Variants in FUT6 observed in about 807,000 individuals in gnomAD.
FUT6 encodes the protein 4-galactosyl-N-acetylglucosaminide 3-alpha-L-fucosyltransferase FUT6.
For synonymous variants in FUT6, 187 were observed against 209.9 expected, an observed-to-expected ratio of 0.89 and a Z score of 0.94; for missense variants, 454 against 494.6, an observed-to-expected ratio of 0.92 and a Z score of 0.78.
At position 5,832,337 on chromosome 19, in the gene FUT6, C is replaced by T. The variant is rs2057116296; in HGVS notation, c.231G>A (p.Leu77=). 6.2e-7 allele frequency: 1 copy of T among 1,613,832 alleles called. No individual in the cohort carries two copies. Among genetic ancestry groups the T allele is most frequent in the African/African-American group, 1.3e-5 (1 of 74,856 alleles). Residue 77 remains leucine (L), a synonymous_variant, in exon 3 of 3, where the codon CTG becomes CTA. Transcript: ENST00000318336. This position sits in a 1 kb window ranked among gnomAD's most constrained non-coding sequence, Gnocchi z 4.3. ...CAGGCACCATCTCTGAGCAGCGGGGCAGAGCTATGGGTTTGTTAAAAGGCC... is the reference window on the plus strand; with the variant it reads ...CAGGCACCATCTCTGAGCAGCGGGGTAGAGCTATGGGTTTGTTAAAAGGCC... The part of the protein sequence containing the change: ...WTWPFNKPIA[L]PRCSEMVPGT...
At chr19:5,834,145 AAAG>A (rs1434292317) in intron 2 of FUT6, among the ~76,000 whole-genome samples, 2 of 152,210 alleles carry the variant, frequency 1.3e-5, no homozygotes, top group Non-Finnish European at 2.9e-5. Context: ...AAGAAAAAAA[AAAG>A]AGAGAATAGA....
At position 5,831,549 on chromosome 19, in the gene FUT6, C is replaced by T; in HGVS notation, c.1019G>A (p.Cys340Tyr). 6.2e-7 allele frequency: 1 copy of T among 1,614,160 alleles called. No individual in the cohort carries two copies. Among genetic ancestry groups the T allele is most frequent in the Non-Finnish European group, 8.5e-7 (1 of 1,180,012 alleles). The change falls in exon 3 of 3, where the codon TGC becomes TAC. Residue 340 changes from cysteine to tyrosine, a missense_variant. By Grantham distance (194) the Cys-to-Tyr change is radical. Transcript: ENST00000318336. The surrounding 1 kb of genome is among the most constrained non-coding windows in gnomAD (Gnocchi z 7.0). ...FSWALAFCKACWKLQEESRYQ... is the reference protein window; with the variant it reads ...FSWALAFCKAYWKLQEESRYQ... ...CCTGGATTCCTCCTGCAGTTTCCAG[C>T]AGGCCTTGCAGAAAGCGAGTGCCCA... is the stretch of plus-strand genomic sequence containing the variant.
At position 5,837,659 on chromosome 19, in the gene FUT6, G is replaced by A. The variant is rs555838667; in HGVS notation, c.-141+1018C>T. Among the ~76,000 whole-genome samples the A allele has an allele frequency of 3.7e-3, 563 of 152,148 alleles. 2 individuals are homozygous for A. The highest frequency in any genetic ancestry group is 0.01 in the Middle Eastern group (3 of 294). Reference sequence around the variant, plus strand: ...CGGGCACCTGTAGTCCCAGCTACTCGGGAGGCTGAGGCAGGAAAATGGTGT... The same window carrying A: ...CGGGCACCTGTAGTCCCAGCTACTCAGGAGGCTGAGGCAGGAAAATGGTGT... On this transcript the variant is annotated intron_variant, in intron 1 of 2. Coordinates refer to ENST00000318336, the MANE Select transcript of FUT6 (RefSeq NM_000150.4).
Position 5,832,377 on chromosome 19 carries a change from A to T in FUT6, c.191T>A (p.Ile64Asn). ...GTTAAAAGGCCACGTCCACAGCAGG[A>T]TCAGGGGGATGGAGTGGGCGGGGGT... is the stretch of plus-strand genomic sequence containing the variant. Reference protein sequence around the residue: ...TGTPAHSIPLILLWTWPFNKP... With the variant: ...TGTPAHSIPLNLLWTWPFNKP... Residue 64 changes from isoleucine (I) to asparagine (N), a missense_variant, in exon 3 of 3, where the codon ATC becomes AAC. Transcript: ENST00000318336. This position sits in a 1 kb window ranked among gnomAD's most constrained non-coding sequence, Gnocchi z 4.3. 1.2e-6 allele frequency: 2 copies of T among 1,614,046 alleles called. No individual in the cohort carries two copies. The highest frequency in any genetic ancestry group is 1.7e-6 in the Non-Finnish European group (2 of 1,180,012).
chr19:5,836,987 C>G (rs2057188989), intron 1 of FUT6, among the ~76,000 whole-genome samples: 1 of 152,048 alleles, frequency 6.6e-6, no homozygotes, highest in Non-Finnish European at 1.5e-5. Context: ...CTTTTGAGTA[C>G]CTTCAGAACA....
At chr19:5,836,551 G>A (rs867573441) in intron 1 of FUT6, among the ~76,000 whole-genome samples, 3 of 152,120 alleles carry the variant, frequency 2.0e-5, no homozygotes, top group Admixed American at 2.0e-4. Flanking sequence ...GATACTGGCC[G>A]GGAGTAATGG....
chr19:5,831,905 G>A lies in FUT6; in HGVS notation c.663C>T (p.Tyr221=), dbSNP rs1485437921. The A allele has an allele frequency of 1.9e-5, 31 of 1,613,862 alleles. No individual in the cohort carries two copies. The highest frequency in any genetic ancestry group is 1.6e-4 in the Middle Eastern group (1 of 6,080). The change falls in exon 3 of 3, where the codon TAC becomes TAT. Residue 221 remains tyrosine, a synonymous_variant. Transcript: ENST00000318336. The surrounding 1 kb of genome is among the most constrained non-coding windows in gnomAD (Gnocchi z 7.0). ...SLQAHLKVDV[Y]GRSHKPLPQG... ...GGGGCAGGGGCTTGTGGGAGCGTCCGTACACGTCCACCTTGAGATGGGCCT... is the reference window on the plus strand; with the variant it reads ...GGGGCAGGGGCTTGTGGGAGCGTCCATACACGTCCACCTTGAGATGGGCCT...
Position 5,831,212 on chromosome 19 carries a change from T to C in FUT6, c.*276A>G. ...GGAGACATCCCCAGCAGGCCAGGCTTCCGCAGGGGACGCTCCTGGAAGCCA... is the reference window on the plus strand; with the variant it reads ...GGAGACATCCCCAGCAGGCCAGGCTCCCGCAGGGGACGCTCCTGGAAGCCA... On this transcript the variant is annotated 3_prime_UTR_variant, in exon 3 of 3. Coordinates refer to ENST00000318336, the MANE Select transcript of FUT6 (RefSeq NM_000150.4). The surrounding 1 kb of genome is among the most constrained non-coding windows in gnomAD (Gnocchi z 7.0). 1 of 773,328 alleles carries C rather than the reference T, an allele frequency of 1.3e-6. No homozygotes were observed. The allele number at this position is 773,328 out of a possible 1,614,324, so 47.9% of individuals were successfully genotyped here.
In FUT6 at chr19:5,838,926, CAG is replaced by C. The variant is rs1331702075; in HGVS notation, c.-392_-391del. ...CCCTAATCCCCGTTGCAGAACCAAA[CAG>C]GGTGAAGGGATTTGGAGACTCAGGT... On this transcript the variant is annotated 5_prime_UTR_variant, in exon 1 of 3. The change abolishes the stop of an existing upstream ORF in the 5' untranslated region. Transcript: ENST00000318336. The C allele has an allele frequency of 6.6e-6, 1 of 152,214 alleles. No individual in the cohort carries two copies. Among genetic ancestry groups the C allele is most frequent in the African/African-American group, 2.4e-5 (1 of 41,436 alleles). 9.4% of individuals were successfully genotyped at this position (152,214 alleles called of 1,614,324 possible). A position where few individuals can be genotyped will look rare whatever the true frequency, so the allele number is the denominator to read the frequency against.
intron 1 of FUT6, chr19:5,837,962 G>C (rs1396520368): frequency 1.3e-5 from 2 of 152,150 alleles, no homozygotes; most frequent in Non-Finnish European, 2.9e-5. Flanking sequence ...GAGGGAGGTT[G>C]AATTTTAACC....
In FUT6 at chr19:5,831,418, ATGAGGCCCCCACTCAGG is replaced by A. The variant is rs768508681; in HGVS notation, c.*53_*69del. ...TTCAGGCAAACGAGTCCTTAGGTAGATGAGGCCCCCACTCAGGTGAGGCCCCAGGAAAATGAGGTTCC... is the reference window on the plus strand; with the variant it reads ...TTCAGGCAAACGAGTCCTTAGGTAGATGAGGCCCCAGGAAAATGAGGTTCC... On this transcript the variant is annotated 3_prime_UTR_variant, in exon 3 of 3. Transcript: ENST00000318336. The surrounding 1 kb of genome is among the most constrained non-coding windows in gnomAD (Gnocchi z 7.0). The A allele has an allele frequency of 1.7e-4, 270 of 1,613,138 alleles. No homozygotes were observed. Among genetic ancestry groups the A allele is most frequent in the Admixed American group, 7.3e-4 (44 of 59,990 alleles).
chr19:5,835,911 C>T (rs913261547), intron 1 of FUT6, among the ~76,000 whole-genome samples: 1 of 151,756 alleles, frequency 6.6e-6, no homozygotes, highest in East Asian at 1.9e-4. Flanking sequence ...TTTTTTCATA[C>T]GGAGTCTTGC....
chr19:5,838,325 G>T (rs1431573647), intron 1 of FUT6: 1 of 152,234 alleles, frequency 6.6e-6, no homozygotes, highest in Non-Finnish European at 1.5e-5. Flanking sequence ...GGATGAAGGG[G>T]TGTAGGCTGC....
In FUT6 at chr19:5,831,728, G is replaced by C. The variant is rs760949055; in HGVS notation, c.840C>G (p.Tyr280Ter). The change falls in exon 3 of 3, where the codon TAC becomes TAG. Residue 280 changes from tyrosine (Y) to a stop codon, truncating the protein, a stop_gained. Coordinates refer to ENST00000318336, the MANE Select transcript of FUT6 (RefSeq NM_000150.4). LOFTEE classifies it low-confidence loss of function (END_TRUNC). The surrounding 1 kb of genome is among the most constrained non-coding windows in gnomAD (Gnocchi z 7.0). The stretch of plus-strand genomic sequence containing the variant: ...AGGCGTCGGGTGGCAGGAACCTCTC[G>C]TAGTTGCTTCTGCTGGGGCCCAGCA... ...PVVLGPSRSN[Y>*]ERFLPPDAFI... The C allele has an allele frequency of 1.9e-6, 3 of 1,612,074 alleles. No individual in the cohort carries two copies. The highest frequency in any genetic ancestry group is 1.3e-5 in the African/African-American group (1 of 74,826).
rs534239632 is a variant in FUT6 at position 5,832,821 on chromosome 19, G to A, written c.-12-242C>T. Reference sequence around the variant, plus strand: ...CCTTTCTACATGGGCAAGGGTCCCTGGGGAAGTTGGGAGAGGCCCCAAGGG... The same window carrying A: ...CCTTTCTACATGGGCAAGGGTCCCTAGGGAAGTTGGGAGAGGCCCCAAGGG... On this transcript the variant is annotated intron_variant, in intron 2 of 2. Transcript: ENST00000318336. The surrounding 1 kb of genome is among the most constrained non-coding windows in gnomAD (Gnocchi z 4.3). 33 of 544,048 alleles carry A rather than the reference G, an allele frequency of 6.1e-5. No individual in the cohort carries two copies. Among genetic ancestry groups the A allele is most frequent in the African/African-American group, 5.9e-4 (31 of 52,948 alleles). The allele number at this position is 544,048 out of a possible 1,614,324, so 33.7% of individuals were successfully genotyped here.
chr19:5,833,717 C>T (rs546940031), intron 2 of FUT6, among the ~76,000 whole-genome samples: 6 of 147,264 alleles, frequency 4.1e-5, no homozygotes, highest in Admixed American at 2.7e-4. Flanking sequence ...CACTTGAACC[C>T]GGGAGGAGGA....
Position 5,832,592 on chromosome 19 carries a change from G to C in FUT6, c.-12-13C>G. The C allele has an allele frequency of 6.3e-7, 1 of 1,584,602 alleles. No individual in the cohort carries two copies. Among genetic ancestry groups the C allele is most frequent in the Non-Finnish European group, 8.7e-7 (1 of 1,153,862 alleles). On this transcript the variant is annotated splice_polypyrimidine_tract_variant and intron_variant, in intron 2 of 2. Transcript: ENST00000318336. The surrounding 1 kb of genome is among the most constrained non-coding windows in gnomAD (Gnocchi z 4.3). ...TGGGTCAGAGTATCTGGGAAGTGGGGAGAGAGGAGTGAGGGTCATTGATGA... is the reference window on the plus strand; with the variant it reads ...TGGGTCAGAGTATCTGGGAAGTGGGCAGAGAGGAGTGAGGGTCATTGATGA...
At position 5,831,326 on chromosome 19, in the gene FUT6, A is replaced by AT. The variant is rs1438537874; in HGVS notation, c.*161dup. ...GGAAAGTGAGGACCCAGGTAGGTGA[A>AT]TCCCCAGGCAGGTGAAGCTGCAACA... is the stretch of plus-strand genomic sequence containing the variant. On this transcript the variant is annotated 3_prime_UTR_variant, in exon 3 of 3. Coordinates refer to ENST00000318336, the MANE Select transcript of FUT6 (RefSeq NM_000150.4). This position sits in a 1 kb window ranked among gnomAD's most constrained non-coding sequence, Gnocchi z 7.0. The AT allele has an allele frequency of 1.9e-6, 3 of 1,554,236 alleles. No individual in the cohort carries two copies. The highest frequency in any genetic ancestry group is 4.5e-5 in the East Asian group (2 of 44,566).
At chr19:5,838,316 G>C (rs1044314323) in intron 1 of FUT6, 1 of 152,200 alleles carries the variant, frequency 6.6e-6, no homozygotes, top group Non-Finnish European at 1.5e-5. Context: ...GGCCAGGAAG[G>C]ATGAAGGGGT....
Sources: allele counts gnomAD v4.1 joint callset (sites outside exome capture counted in the v4.1 genomes callset), GRCh38; gene constraint gnomAD v4.1.1; non-coding constraint Gnocchi (gnomAD v3.1); transcripts MANE v1.5; gene names NCBI Gene and HGNC (gene_info 2026-07-23, HGNC 2026-07-21).